Variants in RABGEF1 observed in about 807,000 individuals in gnomAD.
The protein encoded by RABGEF1 is rab5 GDP/GTP exchange factor.
A neutral mutation model predicts 57.3 loss-of-function variants in RABGEF1; 26 were observed. The ratio of observed to expected loss-of-function variants is 0.45; its 90% CI spans 0.33 to 0.63. The LOEUF (loss-of-function observed/expected upper bound fraction) is 0.63. Among genes scored for constraint, RABGEF1 ranks in the 20% least tolerant of loss-of-function variants. RABGEF1 has a pLI of 0.02. For missense variants in RABGEF1, 464 were observed against 607.6 expected (o/e 0.76, Z 2.48); for synonymous variants, 185 against 210.7 (o/e 0.88, Z 1.06).
intron 1 of RABGEF1, among the ~76,000 whole-genome samples, chr7:66,767,598 A>G (rs1170915248): frequency 6.6e-6 from 1 of 152,286 alleles, no homozygotes; most frequent in African/African-American, 2.4e-5. Context: ...AGGTGTTGCT[A>G]CTAGGAGGTG....
chr7:66,807,092 G>GAGGA (rs1788601098), intron 8 of RABGEF1, among the ~76,000 whole-genome samples: 1 of 152,308 alleles, frequency 6.6e-6, no homozygotes, highest in South Asian at 2.1e-4. Context: ...AGAAGTGGAG[G>GAGGA]AGGACCAGGA....
intron 1 of RABGEF1, among the ~76,000 whole-genome samples, chr7:66,683,765 G>A (rs1253741985): frequency 2.7e-5 from 4 of 146,008 alleles, no homozygotes; most frequent in Admixed American, 2.7e-4. Flanking sequence ...TTGAGAGAGA[G>A]GGTCTCACTT....
At chr7:66,751,070 G>A (rs1247405162) in intron 1 of RABGEF1, among the ~76,000 whole-genome samples, 1 of 141,328 alleles carries the variant, frequency 7.1e-6, no homozygotes, top group African/African-American at 2.6e-5. Context: ...TCACATTGTC[G>A]CCTAGGCGGG....
At chr7:66,756,870 T>A (rs189172582) in intron 1 of RABGEF1, among the ~76,000 whole-genome samples, 1 of 152,164 alleles carries the variant, frequency 6.6e-6, no homozygotes, top group Non-Finnish European at 1.5e-5. Flanking sequence ...TTCCCCTCCT[T>A]CTTCTAACAT....
At chr7:66,668,193 A>C in the RABGEF1 span, among the ~76,000 whole-genome samples, 1 of 152,126 alleles carries the variant, frequency 6.6e-6, no homozygotes, top group Non-Finnish European at 1.5e-5. Context: ...GAACTCCTGG[A>C]CTCAAGTAAT....
In RABGEF1 at chr7:66,771,963, G is replaced by C; in HGVS notation, c.64G>C (p.Gly22Arg). 2 of 1,594,822 alleles carry C rather than the reference G, an allele frequency of 1.3e-6. No individual in the cohort carries two copies. The highest frequency in any genetic ancestry group is 1.7e-6 in the Non-Finnish European group (2 of 1,171,086). The change falls in exon 2 of 9, where the codon GGA becomes CGA. Residue 22 changes from glycine (G) to arginine (R), a missense_variant. This residue lies in a region of RABGEF1 where 12 missense variants were observed against 46.0 expected (regional missense o/e 0.26). Transcript: ENST00000284957. ...VDQSDLLCKK[G>R]CGYYGNPAWQ... ...TCAATCGGATCTCCTGTGCAAGAAA[G>C]GATGTGGTTACTACGGCAACCCTGC...
At chr7:66,672,597 C>T in the RABGEF1 span, among the ~76,000 whole-genome samples, 1 of 152,116 alleles carries the variant, frequency 6.6e-6, no homozygotes, top group South Asian at 2.1e-4. Flanking sequence ...TATAAAGAGC[C>T]TTGGTGTGAC....
intron 7 of RABGEF1, among the ~76,000 whole-genome samples, chr7:66,800,712 TAGAGTGTTCTATG>T (rs1255141766): frequency 1.3e-5 from 2 of 152,252 alleles, no homozygotes; most frequent in African/African-American, 4.8e-5. Context: ...GGTTTACATT[TAGAGTGTTCTATG>T]AGAGTTTTGT....
intron 1 of RABGEF1, among the ~76,000 whole-genome samples, chr7:66,763,910 T>A (rs62466853): frequency 2.5e-4 from 38 of 152,244 alleles, no homozygotes; most frequent in Non-Finnish European, 5.0e-4. Flanking sequence ...TTGTTTCTGC[T>A]CTTGGACTAT....
chr7:66,751,700 C>G (rs2129062357), intron 1 of RABGEF1, among the ~76,000 whole-genome samples: 1 of 152,284 alleles, frequency 6.6e-6, no homozygotes, highest in East Asian at 1.9e-4. Flanking sequence ...GAGTCCCTCC[C>G]CGACAGAGGT....
intron 1 of RABGEF1, among the ~76,000 whole-genome samples, chr7:66,705,436 C>T (rs940196058): frequency 1.3e-5 from 1 of 74,608 alleles, no homozygotes; most frequent in Non-Finnish European, 2.4e-5. Context: ...AACTCCATCT[C>T]GAAAGAAAGA....
chr7:66,716,043 A>G (rs1160563194), intron 2 of RABGEF1, among the ~76,000 whole-genome samples: 1 of 152,192 alleles, frequency 6.6e-6, no homozygotes. Context: ...TGAAGAGTCC[A>G]ACTATAATTT....
At chr7:66,678,759 G>T (rs912720311), upstream of RABGEF1, among the ~76,000 whole-genome samples, 1 of 152,080 alleles carries the variant, frequency 6.6e-6, no homozygotes, top group Non-Finnish European at 1.5e-5. Flanking sequence ...CTCCCACAGG[G>T]AAACTCAGAC....
At position 66,796,734 on chromosome 7, in the gene RABGEF1, G is replaced by A. The variant is rs1264012964; in HGVS notation, c.596-640G>A. ...AGCCCCCGAGTGGCTGGGATTACAG[G>A]TGCGTGCCACCACACCCAGCTAATT... On this transcript the variant is annotated intron_variant, in intron 5 of 8. Transcript: ENST00000284957. The A allele has an allele frequency of 4.4e-5, 14 of 316,260 alleles. No homozygotes were observed. The East Asian group carries it at 6.0e-4, about 14-fold the overall frequency. The allele number at this position is 316,260 out of a possible 1,614,324, so 19.6% of individuals were successfully genotyped here. A position where few individuals can be genotyped will look rare whatever the true frequency, so the allele number is the denominator to read the frequency against.
At position 66,782,290 on chromosome 7, in the gene RABGEF1, T is replaced by C. The variant is rs187830688; in HGVS notation, c.347-1385T>C. 5.3e-3 allele frequency among the ~76,000 whole-genome samples: 807 copies of C among 152,314 alleles called. 6 individuals carry two copies. Among genetic ancestry groups the C allele is most frequent in the Non-Finnish European group, 7.4e-3 (500 of 68,004 alleles). On this transcript the variant is annotated intron_variant, in intron 3 of 8. Transcript: ENST00000284957. ...GGTCAGAAGTTTCCTTTCTAGTTTG[T>C]CTCTTGCCCATCTAGTTCCTAAGCA...
chr7:66,749,253 C>T (rs908671478), intron 1 of RABGEF1, among the ~76,000 whole-genome samples: 8 of 152,116 alleles, frequency 5.3e-5, no homozygotes, highest in Admixed American at 1.3e-4. Context: ...AATAATAGTT[C>T]AAATTTATCA....
the RABGEF1 span, among the ~76,000 whole-genome samples, chr7:66,666,756 G>A: frequency 6.6e-6 from 1 of 152,354 alleles, no homozygotes; most frequent in Admixed American, 6.5e-5. Context: ...AGCTGGGTGG[G>A]CGTCCAGGCT....
At chr7:66,692,748 CCT>C (rs769037158) in intron 1 of RABGEF1, among the ~76,000 whole-genome samples, 13 of 151,670 alleles carry the variant, frequency 8.6e-5, no homozygotes, top group Non-Finnish European at 1.8e-4. Context: ...CCTACATCCC[CCT>C]GAGCCTAGGA....
the RABGEF1 span, among the ~76,000 whole-genome samples, chr7:66,663,451 G>A: frequency 2.0e-4 from 30 of 152,192 alleles, 1 homozygote; most frequent in East Asian, 5.8e-4. Context: ...GGTGGTGGGC[G>A]CCTGTAATCC....
Sources: allele counts gnomAD v4.1 joint callset (sites outside exome capture counted in the v4.1 genomes callset), GRCh38; gene constraint gnomAD v4.1.1; regional missense constraint gnomAD v4.1.1; transcripts MANE v1.5; gene names NCBI Gene and HGNC (gene_info 2026-07-23, HGNC 2026-07-21).